Variants in MEGF10 observed in about 807,000 individuals in gnomAD.
MEGF10 encodes the protein multiple EGF like domains 10.
Under a neutral mutation model 147.5 loss-of-function variants are expected in MEGF10, and 86 were observed. The ratio of observed to expected loss-of-function variants is 0.58; its 90% CI spans 0.49 to 0.70. MEGF10 has a LOEUF of 0.70. Among genes scored for constraint, MEGF10 ranks in the 30% least tolerant of loss-of-function variants. MEGF10 has a pLI of 0.00. For synonymous variants in MEGF10, 478 were observed against 525.5 expected (o/e 0.91, Z 1.24); for missense variants, 1,329 against 1,487.3 (o/e 0.89, Z 1.75).
chr5:127,366,554 G>A (rs945391317), intron 4 of MEGF10, among the ~76,000 whole-genome samples: 6 of 152,204 alleles, frequency 3.9e-5, no homozygotes, highest in Non-Finnish European at 8.8e-5. Context: ...CATTAGGGAA[G>A]CAGATTCCCC....
At chr5:127,234,261 A>G in the MEGF10 span, among the ~76,000 whole-genome samples, 97 of 152,330 alleles carry the variant, frequency 6.4e-4, no homozygotes, top group African/African-American at 2.3e-3. Context: ...TGTGCCTTTT[A>G]AAGAGCTTCC....
At chr5:127,379,236 T>C (rs1312695605) in intron 5 of MEGF10, among the ~76,000 whole-genome samples, 1 of 152,132 alleles carries the variant, frequency 6.6e-6, no homozygotes, top group Non-Finnish European at 1.5e-5. Flanking sequence ...TCTTTGCTGG[T>C]TTCCCTGCTT....
At chr5:127,424,757 G>A (rs1765155297) in intron 13 of MEGF10, 1 of 167,072 alleles carries the variant, frequency 6.0e-6, no homozygotes, top group Non-Finnish European at 1.3e-5. Flanking sequence ...GAGATAACTT[G>A]ACTTCACAAT....
chr5:127,414,626 T>G (rs1425597722), intron 9 of MEGF10, among the ~76,000 whole-genome samples: 7 of 152,200 alleles, frequency 4.6e-5, no homozygotes, highest in Admixed American at 4.6e-4. Flanking sequence ...CATTGTTCAG[T>G]GACTCTGAGA....
the MEGF10 span, among the ~76,000 whole-genome samples, chr5:127,271,403 G>A: frequency 8.6e-5 from 13 of 151,568 alleles, no homozygotes. Context: ...TTTTTAGTGG[G>A]GTTTTTTTTT....
chr5:127,401,329 A>G (rs1015029070), intron 7 of MEGF10, among the ~76,000 whole-genome samples: 1 of 152,202 alleles, frequency 6.6e-6, no homozygotes, highest in Non-Finnish European at 1.5e-5. Flanking sequence ...ACACAGGCAC[A>G]TAGATGATTC....
At chr5:127,253,375 A>G in the MEGF10 span, among the ~76,000 whole-genome samples, 1 of 152,026 alleles carries the variant, frequency 6.6e-6, no homozygotes, top group Non-Finnish European at 1.5e-5. Flanking sequence ...GTTAGGGAAA[A>G]CCAGGAGTAT....
intron 1 of MEGF10, among the ~76,000 whole-genome samples, chr5:127,301,159 A>G (rs1443991428): frequency 4.6e-5 from 7 of 152,142 alleles, no homozygotes; most frequent in East Asian, 3.9e-4. Context: ...ACTCATTTCC[A>G]CTGACACTTC....
chr5:127,264,874 G>A, the MEGF10 span, among the ~76,000 whole-genome samples: 2 of 151,578 alleles, frequency 1.3e-5, no homozygotes, highest in Admixed American at 6.6e-5. Flanking sequence ...ATAGGTAAAC[G>A]TGTGCCATGG....
chr5:127,449,776 G>A lies in MEGF10; in HGVS notation c.2980+554G>A, dbSNP rs763917816. ...CAGGAATACAGTGGATCAGTGGTTCGGGCAACTTTTTGAAATTAGGACTCC... is the reference window on the plus strand; with the variant it reads ...CAGGAATACAGTGGATCAGTGGTTCAGGCAACTTTTTGAAATTAGGACTCC... On this transcript the variant is annotated intron_variant, in intron 22 of 24. Coordinates refer to ENST00000503335, the MANE Select transcript of MEGF10 (RefSeq NM_001256545.2). Among the ~76,000 whole-genome samples, 70 of 152,004 alleles carry A rather than the reference G, an allele frequency of 4.6e-4. 1 individual carries two copies. Among genetic ancestry groups the A allele is most frequent in the African/African-American group, 1.5e-3 (64 of 41,384 alleles).
At chr5:127,334,262 C>G (rs1257222539) in intron 2 of MEGF10, among the ~76,000 whole-genome samples, 1 of 152,068 alleles carries the variant, frequency 6.6e-6, no homozygotes, top group African/African-American at 2.4e-5. Context: ...TGCTCAAAAC[C>G]ACCTGTACCC....
At chr5:127,292,874 G>T (rs1490406527) in intron 1 of MEGF10, among the ~76,000 whole-genome samples, 1 of 145,126 alleles carries the variant, frequency 6.9e-6, no homozygotes, top group African/African-American at 2.5e-5. Flanking sequence ...TTTAAAAATG[G>T]CTATGCATGA....
At chr5:127,281,437 C>T in the MEGF10 span, among the ~76,000 whole-genome samples, 5 of 152,206 alleles carry the variant, frequency 3.3e-5, no homozygotes. Context: ...GCATTTCAGA[C>T]ACTTTCAGGT....
intron 22 of MEGF10, among the ~76,000 whole-genome samples, chr5:127,452,707 C>T (rs544044158): frequency 1.4e-4 from 21 of 152,280 alleles, no homozygotes; most frequent in Middle Eastern, 3.4e-3. Flanking sequence ...TTACACTATC[C>T]GGTGTATCCC....
chr5:127,383,080 C>T (rs1282320891), intron 5 of MEGF10, among the ~76,000 whole-genome samples: 1 of 152,106 alleles, frequency 6.6e-6, no homozygotes, highest in Non-Finnish European at 1.5e-5. Context: ...TGTAACCCAG[C>T]AATTTTTATT....
intron 22 of MEGF10, among the ~76,000 whole-genome samples, chr5:127,449,680 G>A (rs930542409): frequency 6.6e-6 from 1 of 152,104 alleles, no homozygotes; most frequent in African/African-American, 2.4e-5. Context: ...GCTCTTCCTT[G>A]TTCTCTTTTG....
chr5:127,431,734 C>T (rs912216519), intron 13 of MEGF10, among the ~76,000 whole-genome samples: 6 of 152,190 alleles, frequency 3.9e-5, no homozygotes, highest in East Asian at 1.9e-4. Flanking sequence ...GAACTGAGAG[C>T]GAAGTGTTTA....
rs890069058 is a variant in MEGF10 at position 127,419,983 on chromosome 5, G to C, written c.1427-61G>C. 4 of 1,571,580 alleles carry C rather than the reference G, an allele frequency of 2.5e-6. No homozygotes were observed. In the Admixed American group the frequency reaches 7.1e-5, roughly 28 times the overall value. On this transcript the variant is annotated intron_variant, in intron 11 of 24. Coordinates refer to ENST00000503335, the MANE Select transcript of MEGF10 (RefSeq NM_001256545.2). ...CTAAAGAGAAACGTGGTTTGGAAAG[G>C]CTCAACAAGGCTCTCTGCTGCCTTT...
intron 16 of MEGF10, among the ~76,000 whole-genome samples, chr5:127,437,024 T>C (rs1234079498): frequency 1.3e-5 from 2 of 152,344 alleles, no homozygotes; most frequent in African/African-American, 4.8e-5. Context: ...TTATTCCCAT[T>C]CTCTGATCAT....
Sources: allele counts gnomAD v4.1 joint callset (sites outside exome capture counted in the v4.1 genomes callset), GRCh38; gene constraint gnomAD v4.1.1; transcripts MANE v1.5; gene names NCBI Gene and HGNC (gene_info 2026-07-23, HGNC 2026-07-21).